USP34: variants seen among roughly 807,000 people sequenced by gnomAD.
The protein encoded by USP34 is ubiquitin specific peptidase 34, also known as ubiquitin carboxyl-terminal hydrolase 34.
In USP34, 70 loss-of-function variants were observed where a neutral mutation model predicts 460.3. The observed-to-expected ratio is 0.15, with a 90% confidence interval of 0.13 to 0.19. The LOEUF is 0.19. USP34 is among the 10% of genes least tolerant of loss of function. USP34 has a pLI of 1.00. For synonymous variants in USP34, 1,647 were observed against 1,405.3 expected (o/e 1.17, Z -3.85); for missense variants, 3,985 against 4,236.2 (o/e 0.94, Z 1.65).
At chr2:61,456,691 G>A (rs1286667146) in intron 1 of USP34, among the ~76,000 whole-genome samples, 3 of 151,784 alleles carry the variant, frequency 2.0e-5, no homozygotes, top group East Asian at 1.9e-4. Flanking sequence ...GGTGGTTCAC[G>A]CCTATAATCC....
chr2:61,295,637 G>A (rs1690002516), intron 30 of USP34, among the ~76,000 whole-genome samples: 1 of 152,124 alleles, frequency 6.6e-6, no homozygotes. Context: ...GTACTTAATA[G>A]TTACAACTAT....
At chr2:61,447,170 A>G (rs1311186722) in intron 1 of USP34, among the ~76,000 whole-genome samples, 1 of 141,820 alleles carries the variant, frequency 7.1e-6, no homozygotes, top group Non-Finnish European at 1.5e-5. Flanking sequence ...CACCCGAATC[A>G]TTTGAACCCA....
intron 1 of USP34, among the ~76,000 whole-genome samples, chr2:61,465,214 G>C (rs887338924): frequency 1.3e-5 from 2 of 152,072 alleles, no homozygotes; most frequent in East Asian, 3.9e-4. Context: ...GTGGGGCAAG[G>C]GTACTTATGA....
chr2:61,435,489 T>C (rs1694788933), intron 1 of USP34, among the ~76,000 whole-genome samples: 1 of 151,848 alleles, frequency 6.6e-6, no homozygotes, highest in Non-Finnish European at 1.5e-5. Flanking sequence ...ATCAAGATTA[T>C]ACCCAGCAAA....
intron 68 of USP34, among the ~76,000 whole-genome samples, chr2:61,213,175 C>A (rs1687315547): frequency 6.6e-6 from 1 of 151,996 alleles, no homozygotes; most frequent in African/African-American, 2.4e-5. Context: ...ACCACTACTC[C>A]CAGCTAATTT....
intron 48 of USP34, among the ~76,000 whole-genome samples, chr2:61,255,150 C>T (rs980952458): frequency 1.3e-5 from 2 of 152,070 alleles, no homozygotes; most frequent in African/African-American, 4.8e-5. Context: ...ATTTGAAGAC[C>T]ACTAAATTAT....
Position 61,256,467 on chromosome 2 carries a change from A to G in USP34, c.6138T>C (p.Asp2046=). 1 of 1,603,394 alleles carries G rather than the reference A, an allele frequency of 6.2e-7. No homozygotes were observed. Among genetic ancestry groups the G allele is most frequent in the Non-Finnish European group, 8.5e-7 (1 of 1,173,986 alleles). The change falls in exon 48 of 80, where the codon GAT becomes GAC. Residue 2046 remains aspartate (D), a synonymous_variant. Coordinates refer to ENST00000398571, the MANE Select transcript of USP34 (RefSeq NM_014709.4). The part of the protein sequence containing the change: ...ADMKNIYESL[D]EVTIKDTLEG... ...CCAAAGTGTCTTTTATAGTAACTTC[A>G]TCAAGAGATTCCTGTGTATAAAACC...
chr2:61,229,492 A>G, intron 59 of USP34, 56 bp downstream of exon 59: 3 of 1,092,264 alleles, frequency 2.7e-6, no homozygotes, highest in Non-Finnish European at 3.8e-6. Flanking sequence ...AAAAAAACAA[A>G]AACACCACAC....
intron 10 of USP34, among the ~76,000 whole-genome samples, chr2:61,356,556 T>C (rs1692113646): frequency 6.6e-6 from 1 of 151,554 alleles, no homozygotes; most frequent in South Asian, 2.1e-4. Flanking sequence ...TGCTGACACA[T>C]GCCACAACAC....
chr2:61,383,644 C>T (rs886485857), intron 5 of USP34, among the ~76,000 whole-genome samples: 18 of 151,486 alleles, frequency 1.2e-4, no homozygotes, highest in African/African-American at 7.3e-5. Context: ...CCGGGGGGGG[C>T]GGGGGGAAGA....
At chr2:61,229,292 T>C (rs1485387741) in intron 59 of USP34, among the ~76,000 whole-genome samples, 1 of 151,366 alleles carries the variant, frequency 6.6e-6, no homozygotes, top group Non-Finnish European at 1.5e-5. Context: ...TCAGTGTGGA[T>C]TTTAAAAAAT....
At chr2:61,235,613 C>G (rs183151922) in intron 57 of USP34, among the ~76,000 whole-genome samples, 31 of 152,062 alleles carry the variant, frequency 2.0e-4, no homozygotes, top group Non-Finnish European at 1.2e-4. Flanking sequence ...CGTGAGCCAC[C>G]ACACCTGGCC....
intron 41 of USP34, among the ~76,000 whole-genome samples, chr2:61,273,633 G>A (rs975220334): frequency 1.3e-5 from 2 of 152,086 alleles, no homozygotes; most frequent in Non-Finnish European, 2.9e-5. Flanking sequence ...CAGGAGAATC[G>A]CTTGAACCTG....
rs143489183 is a variant in USP34 at position 61,359,517 on chromosome 2, A to G, written c.1252-8824T>C. Among the ~76,000 whole-genome samples the G allele has an allele frequency of 3.1e-4, 47 of 152,322 alleles. No individual in the cohort carries two copies. The East Asian group carries it at 5.6e-3, about 18-fold the overall frequency. ...GGAAAAGATAAGGATTGTAATCTTC[A>G]TGACATTGGATTTGAAAATTATTTC... is the stretch of plus-strand genomic sequence containing the variant. On this transcript the variant is annotated intron_variant, in intron 10 of 79. Transcript: ENST00000398571.
intron 2 of USP34, among the ~76,000 whole-genome samples, chr2:61,413,239 C>G (rs1694095616): frequency 6.6e-6 from 1 of 151,904 alleles, no homozygotes; most frequent in African/African-American, 2.4e-5. Flanking sequence ...ACTAAAAATA[C>G]AAAAATTAGC....
At chr2:61,208,140 C>T (rs4672423) in intron 70 of USP34, 54,555 of 152,056 alleles carry the variant, frequency 0.36, 9,768 homozygotes, top group South Asian at 0.38. Context: ...AGCTGGGAAC[C>T]GCTCAGGGCA....
chr2:61,327,474 A>G (rs1034759475), intron 20 of USP34, among the ~76,000 whole-genome samples: 2 of 152,184 alleles, frequency 1.3e-5, no homozygotes, highest in Admixed American at 1.3e-4. Context: ...AGAGGCCTTG[A>G]GTACAAATTC....
At chr2:61,442,898 T>TACACACACACACACACACACACAC (rs58151221) in intron 1 of USP34, among the ~76,000 whole-genome samples, 1 of 147,202 alleles carries the variant, frequency 6.8e-6, no homozygotes, top group Non-Finnish European at 1.5e-5. Context: ...GTGATGTGTG[T>TACACACACACACACACACACACAC]ACACACACAC....
intron 27 of USP34, among the ~76,000 whole-genome samples, chr2:61,310,662 T>C (rs187113320): frequency 3.6e-4 from 54 of 150,562 alleles, no homozygotes; most frequent in African/African-American, 1.2e-3. Flanking sequence ...CAGAAATATA[T>C]ATATACACAT....
Sources: allele counts gnomAD v4.1 joint callset (sites outside exome capture counted in the v4.1 genomes callset), GRCh38; gene constraint gnomAD v4.1.1; transcripts MANE v1.5; gene names NCBI Gene and HGNC (gene_info 2026-07-23, HGNC 2026-07-21).